Variants in NDST4 observed in about 807,000 individuals in gnomAD.
NDST4 encodes N-deacetylase and N-sulfotransferase 4.
Under a neutral mutation model 100.8 loss-of-function variants are expected in NDST4, and 63 were observed. The observed-to-expected ratio is 0.62, with a 90% CI of 0.51 to 0.77. The LOEUF (loss-of-function observed/expected upper bound fraction) is 0.77, where lower values mean the gene tolerates loss of function less well. Among genes scored for constraint, NDST4 ranks in the 30% least tolerant of loss-of-function variants. NDST4 has a pLI of 0.00. For synonymous variants in NDST4, 377 were observed against 361.8 expected (o/e 1.04, Z -0.48); for missense variants, 943 against 1,018.4 (o/e 0.93, Z 1.01).
chr4:115,026,416 ATT>A (rs34104366), intron 2 of NDST4, among the ~76,000 whole-genome samples: 6 of 145,380 alleles, frequency 4.1e-5, no homozygotes, highest in Admixed American at 7.0e-5. Flanking sequence ...TCATAGTCTT[ATT>A]TTTTTTTAAA....
intron 6 of NDST4, among the ~76,000 whole-genome samples, chr4:114,890,279 T>C (rs1449168536): frequency 1.3e-5 from 2 of 152,104 alleles, no homozygotes; most frequent in African/African-American, 4.8e-5. Flanking sequence ...AGGATATTTA[T>C]AAATCTAATG....
chr4:114,889,488 T>C (rs565668457), intron 6 of NDST4, among the ~76,000 whole-genome samples: 5 of 152,310 alleles, frequency 3.3e-5, no homozygotes, highest in African/African-American at 9.6e-5. Flanking sequence ...ATGAACACTT[T>C]GGCGGAGATA....
intron 1 of NDST4, among the ~76,000 whole-genome samples, chr4:115,106,173 C>G (rs1392423249): frequency 6.6e-6 from 1 of 152,058 alleles, no homozygotes; most frequent in Non-Finnish European, 1.5e-5. Flanking sequence ...TCATAGAAGA[C>G]TGCTATTAAC....
At chr4:115,110,238 T>A (rs548648461) in intron 1 of NDST4, among the ~76,000 whole-genome samples, 6 of 152,092 alleles carry the variant, frequency 3.9e-5, no homozygotes, top group Admixed American at 1.3e-4. Context: ...TTAAGCTTGC[T>A]GAAAATAACT....
chr4:115,063,839 CT>C (rs556500742), intron 2 of NDST4, among the ~76,000 whole-genome samples: 7,982 of 147,204 alleles, frequency 0.054, 690 homozygotes, highest in African/African-American at 0.18. Context: ...CTTCTTAATA[CT>C]TTTTTTTTTT....
At chr4:114,956,532 T>G (rs1726145225) in intron 4 of NDST4, among the ~76,000 whole-genome samples, 1 of 152,130 alleles carries the variant, frequency 6.6e-6, no homozygotes. Flanking sequence ...ACTCTTTGGG[T>G]CAGTAAAAGC....
chr4:114,841,954 T>C (rs1723435634), intron 10 of NDST4, among the ~76,000 whole-genome samples: 1 of 152,094 alleles, frequency 6.6e-6, no homozygotes, highest in Non-Finnish European at 1.5e-5. Flanking sequence ...TTTTGAAAAA[T>C]CAAGAAAAAG....
At chr4:114,971,808 G>C (rs1330076771) in intron 3 of NDST4, among the ~76,000 whole-genome samples, 3 of 152,034 alleles carry the variant, frequency 2.0e-5, no homozygotes, top group Admixed American at 6.6e-5. Context: ...AAGGATTAAA[G>C]CATGTATTTG....
intron 2 of NDST4, among the ~76,000 whole-genome samples, chr4:114,981,622 C>T (rs1253243620): frequency 2.0e-5 from 3 of 152,106 alleles, no homozygotes; most frequent in Non-Finnish European, 4.4e-5. Flanking sequence ...CTGTTTTTAA[C>T]AATGATTTTT....
chr4:114,857,840 A>C (rs1723830770), intron 7 of NDST4, among the ~76,000 whole-genome samples: 1 of 152,034 alleles, frequency 6.6e-6, no homozygotes, highest in Non-Finnish European at 1.5e-5. Context: ...GAAAATTAAG[A>C]TAGGAAGTTC....
chr4:114,878,460 G>A (rs893583654), intron 6 of NDST4, among the ~76,000 whole-genome samples: 5 of 152,234 alleles, frequency 3.3e-5, no homozygotes, highest in Non-Finnish European at 5.9e-5. Context: ...AAAGGGTATC[G>A]ATTAAAATAT....
intron 4 of NDST4, among the ~76,000 whole-genome samples, chr4:114,965,777 C>A (rs279537): frequency 0.87 from 132,093 of 151,920 alleles, 57,943 homozygotes; most frequent in African/African-American, 0.92. Context: ...CTTTTTTTTC[C>A]AGTCTATTGT....
rs984679617 is a variant in NDST4 at position 115,010,493 on chromosome 4, A to G, written c.979-33219T>C. Among the ~76,000 whole-genome samples, 11 of 127,870 alleles carry G rather than the reference A, an allele frequency of 8.6e-5. 2 individuals carry two copies. The highest frequency in any genetic ancestry group is 1.8e-4 in the Non-Finnish European group (11 of 59,952). 83.9% of individuals were successfully genotyped at this position (127,870 alleles called of 152,430 possible). ...TAGGTGGGAATTGAACAATGAGTAC[A>G]CATGGACACAGGAAGGGGAACATCA... On this transcript the variant is annotated intron_variant, in intron 2 of 13. Coordinates refer to ENST00000264363, the MANE Select transcript of NDST4 (RefSeq NM_022569.3).
chr4:114,956,073 A>G (rs1583923), intron 4 of NDST4: 88,334 of 151,682 alleles, frequency 0.58, 26,771 homozygotes, highest in Non-Finnish European at 0.68. Context: ...CTCTAAGTGC[A>G]GAAGGCCAAG....
At chr4:115,044,132 G>T (rs1234948821) in intron 2 of NDST4, among the ~76,000 whole-genome samples, 2 of 152,010 alleles carry the variant, frequency 1.3e-5, no homozygotes, top group Non-Finnish European at 2.9e-5. Flanking sequence ...GGCAGAGACT[G>T]AATTGAAGCT....
In NDST4 at chr4:114,937,517, A is replaced by G; in HGVS notation, c.1222-14T>C. On this transcript the variant is annotated splice_polypyrimidine_tract_variant and intron_variant, in intron 4 of 13. Transcript: ENST00000264363. The stretch of plus-strand genomic sequence containing the variant: ...TATTCCATGTTCCTAAAACAAAGCC[A>G]GAACAACATCATGATGGGACAAGGC... 6.5e-7 allele frequency: 1 copy of G among 1,530,530 alleles called. No homozygotes were observed. The highest frequency in any genetic ancestry group is 1.3e-5 in the South Asian group (1 of 76,900). The allele number at this position is 1,530,530 out of a possible 1,614,324, so 94.8% of individuals were successfully genotyped here.
At chr4:114,832,018 T>C (rs1159468949) in intron 12 of NDST4, among the ~76,000 whole-genome samples, 1 of 152,180 alleles carries the variant, frequency 6.6e-6, no homozygotes, top group African/African-American at 2.4e-5. Flanking sequence ...GTGAGACATA[T>C]TAAAAACGAC....
At chr4:114,874,118 G>T (rs558034202) in intron 6 of NDST4, among the ~76,000 whole-genome samples, 27 of 152,220 alleles carry the variant, frequency 1.8e-4, no homozygotes, top group African/African-American at 6.3e-4. Flanking sequence ...AGAAGGAATT[G>T]TAAGACACCT....
intron 6 of NDST4, among the ~76,000 whole-genome samples, chr4:114,910,691 T>A (rs1725045212): frequency 6.6e-6 from 1 of 152,196 alleles, no homozygotes; most frequent in African/African-American, 2.4e-5. Context: ...GCCAAATGAC[T>A]AACGTGTTAG....
Sources: gnomAD v4.1 joint callset for allele counts (sites outside exome capture counted in the v4.1 genomes callset) on GRCh38, gnomAD v4.1.1 for gene constraint, MANE v1.5 for transcripts, NCBI Gene and HGNC (gene_info 2026-07-23, HGNC 2026-07-21) for gene names.